The following LIN28B variants were observed in gnomAD, a reference collection of about 807,000 sequenced individuals.
LIN28B encodes protein lin-28 homolog B.
A neutral mutation model predicts 21.9 loss-of-function variants in LIN28B; 5 were observed. The observed-to-expected ratio is 0.23, with a 90% CI of 0.12 to 0.48. The LOEUF is 0.48. Among genes scored for constraint, LIN28B ranks in the 20% least tolerant of loss-of-function variants. The pLI, the probability that LIN28B is intolerant of heterozygous loss-of-function variation, is 0.98. For synonymous variants in LIN28B, 109 were observed against 111.3 expected, an observed-to-expected ratio of 0.98 and a Z score of 0.13; for missense variants, 245 against 310.5, an observed-to-expected ratio of 0.79 and a Z score of 1.58.
chr6:104,943,718 C>A (rs576486249), intron 2 of LIN28B, among the ~76,000 whole-genome samples: 1 of 151,874 alleles, frequency 6.6e-6, no homozygotes, highest in Non-Finnish European at 1.5e-5. Context: ...TACTTTTGAA[C>A]CTGTACCTTA....
chr6:105,018,806 C>T (rs760786753), intron 2 of LIN28B, among the ~76,000 whole-genome samples: 15 of 152,026 alleles, frequency 9.9e-5, no homozygotes, highest in Non-Finnish European at 2.1e-4. Context: ...TCAAAATTTT[C>T]TGAGAGTGCT....
chr6:105,014,067 TTTC>T (rs1450057948), intron 2 of LIN28B, among the ~76,000 whole-genome samples: 1 of 152,206 alleles, frequency 6.6e-6, no homozygotes, highest in Non-Finnish European at 1.5e-5. Context: ...TTCCTATTAT[TTTC>T]TTCTACCAAC....
chr6:104,958,326 A>C (rs1288027409), intron 2 of LIN28B, 40 bp downstream of exon 2: 3 of 1,479,706 alleles, frequency 2.0e-6, no homozygotes, highest in South Asian at 2.7e-5. Flanking sequence ...ATCTTTTTCC[A>C]TGTGGAGGAG....
At position 104,993,465 on chromosome 6, in the gene LIN28B, C is replaced by CA. The variant is rs535160791; in HGVS notation, c.199-32826dup. Among the ~76,000 whole-genome samples, 193 of 151,924 alleles carry CA rather than the reference C, an allele frequency of 1.3e-3. 2 individuals carry two copies. The South Asian group carries it at 0.017, about 13-fold the overall frequency. On this transcript the variant is annotated intron_variant, in intron 2 of 3. Transcript: ENST00000345080. ...TTGGTGGCAGAACAAGACCCTTTCTCAAAAAAACAAAACAAAACAAGATTT... is the reference window on the plus strand; with the variant it reads ...TTGGTGGCAGAACAAGACCCTTTCTCAAAAAAAACAAAACAAAACAAGATTT...
chr6:104,965,138 A>G (rs990913429), intron 2 of LIN28B, among the ~76,000 whole-genome samples: 11 of 152,234 alleles, frequency 7.2e-5, no homozygotes, highest in African/African-American at 2.7e-4. Context: ...AAAATTGGCC[A>G]AAATGTGTTG....
chr6:105,046,155 A>C (rs562104439), intron 3 of LIN28B, among the ~76,000 whole-genome samples: 2 of 152,134 alleles, frequency 1.3e-5, no homozygotes, highest in East Asian at 3.9e-4. Flanking sequence ...TCCTAATGCT[A>C]TCCGTCCCCC....
Position 104,950,459 on chromosome 6 carries a change from A to C in LIN28B, c.19-2A>C. 8.2e-7 allele frequency: 1 copy of C among 1,226,512 alleles called. No individual in the cohort carries two copies. Among genetic ancestry groups the C allele is most frequent in the Non-Finnish European group, 1.0e-6 (1 of 983,524 alleles). The allele number at this position is 1,226,512 out of a possible 1,614,324, so 76.0% of individuals were successfully genotyped here. Reference sequence around the variant, plus strand: ...GTACTGACTTGAGCTCTCTGATTTTAGGTTCTTCAGAAGAGGATGAGGTCA... The same window carrying C: ...GTACTGACTTGAGCTCTCTGATTTTCGGTTCTTCAGAAGAGGATGAGGTCA... On this transcript the variant is annotated splice_acceptor_variant, in intron 2 of 5. Transcript: ENST00000635857. LOFTEE classifies it high-confidence loss of function.
At chr6:104,998,428 T>A (rs1210262714) in intron 2 of LIN28B, among the ~76,000 whole-genome samples, 3 of 152,208 alleles carry the variant, frequency 2.0e-5, no homozygotes, top group African/African-American at 7.2e-5. Flanking sequence ...TTTAATTTTA[T>A]TCTTTGTATA....
At chr6:104,951,780 C>T (rs1304210805) in intron 3 of LIN28B, among the ~76,000 whole-genome samples, 2 of 152,204 alleles carry the variant, frequency 1.3e-5, no homozygotes, top group Non-Finnish European at 2.9e-5. Flanking sequence ...CCAGTTTCCT[C>T]ACTTTACAGA....
intron 2 of LIN28B, among the ~76,000 whole-genome samples, chr6:104,989,586 T>TG (rs201299049): frequency 0.12 from 17,308 of 141,012 alleles, 1,501 homozygotes; most frequent in African/African-American, 0.19. Context: ...GTTTTTTTTT[T>TG]TTTTTTTTTT....
At chr6:104,999,680 AG>A (rs1770681412) in intron 2 of LIN28B, among the ~76,000 whole-genome samples, 2 of 152,070 alleles carry the variant, frequency 1.3e-5, no homozygotes, top group African/African-American at 2.4e-5. Flanking sequence ...TGCTGAACAA[AG>A]GAAGTTCTTT....
intron 2 of LIN28B, among the ~76,000 whole-genome samples, chr6:105,009,604 A>G (rs968038614): frequency 6.6e-6 from 1 of 152,134 alleles, no homozygotes; most frequent in African/African-American, 2.4e-5. Context: ...TTTCTATACT[A>G]CCTGTCCCAT....
chr6:104,986,746 TA>T (rs1413669639), intron 2 of LIN28B, among the ~76,000 whole-genome samples: 1 of 152,198 alleles, frequency 6.6e-6, no homozygotes, highest in East Asian at 1.9e-4. Context: ...TCCAAGAATG[TA>T]ATTCTCTGCA....
At chr6:105,004,137 A>AT (rs945051750) in intron 2 of LIN28B, among the ~76,000 whole-genome samples, 5 of 152,016 alleles carry the variant, frequency 3.3e-5, no homozygotes, top group African/African-American at 9.7e-5. Context: ...GTCTTTTCAC[A>AT]TTTTTCTGCC....
chr6:104,938,236 C>T (rs377428036), intron 2 of LIN28B, among the ~76,000 whole-genome samples: 1 of 151,820 alleles, frequency 6.6e-6, no homozygotes, highest in East Asian at 1.9e-4. Flanking sequence ...AGAGTGAGAC[C>T]GAGTCTCTAA....
intron 2 of LIN28B, among the ~76,000 whole-genome samples, chr6:104,995,726 A>G (rs1441952003): frequency 6.6e-6 from 1 of 152,204 alleles, no homozygotes; most frequent in Non-Finnish European, 1.5e-5. Flanking sequence ...TTTCGGAAGT[A>G]GAAGGCAAAT....
At chr6:105,019,092 C>T (rs1484646705) in intron 2 of LIN28B, among the ~76,000 whole-genome samples, 1 of 151,956 alleles carries the variant, frequency 6.6e-6, no homozygotes, top group Non-Finnish European at 1.5e-5. Context: ...ATTATAAGCG[C>T]CCGCCACCAC....
intron 2 of LIN28B, among the ~76,000 whole-genome samples, chr6:104,974,232 C>T (rs1044516134): frequency 1.4e-4 from 22 of 151,838 alleles, no homozygotes; most frequent in African/African-American, 3.9e-4. Context: ...GGCTCACACC[C>T]GTAATCCTAG....
At chr6:105,066,812 C>CAT (rs142177678) in intron 3 of LIN28B, among the ~76,000 whole-genome samples, 207 of 150,064 alleles carry the variant, frequency 1.4e-3, no homozygotes, top group African/African-American at 2.7e-3. Flanking sequence ...AGACATTTTA[C>CAT]ATATATATAT....
Sources: gnomAD v4.1 joint callset for allele counts (sites outside exome capture counted in the v4.1 genomes callset) on GRCh38, gnomAD v4.1.1 for gene constraint, MANE v1.5 for transcripts, NCBI Gene and HGNC (gene_info 2026-07-23, HGNC 2026-07-21) for gene names.